Variants in LTBP4 observed in about 807,000 individuals in gnomAD.
LTBP4 encodes latent-transforming growth factor beta-binding protein 4.
In LTBP4, 93 loss-of-function variants were observed where a neutral mutation model predicts 180.2. The observed-to-expected ratio is 0.52, with a 90% CI of 0.44 to 0.61. LTBP4 has a LOEUF of 0.61. Ranked by LOEUF, LTBP4 falls within the 20% of genes least tolerant of loss-of-function variation. The pLI, the probability that LTBP4 is intolerant of heterozygous loss-of-function variation, is 0.00. For missense variants in LTBP4, 2,116 were observed against 2,256.5 expected, an observed-to-expected ratio of 0.94 and a Z score of 1.26; for synonymous variants, 947 against 934.5, an observed-to-expected ratio of 1.01 and a Z score of -0.24.
chr19:40,596,472 C>A (rs2081391034), upstream of LTBP4, among the ~76,000 whole-genome samples: 1 of 151,570 alleles, frequency 6.6e-6, no homozygotes, highest in African/African-American at 2.4e-5. Context: ...CTGGGGGCGG[C>A]GATAAGTGGG....
chr19:40,604,036 G>A (rs1211320212), intron 1 of LTBP4, among the ~76,000 whole-genome samples: 1 of 152,380 alleles, frequency 6.6e-6, no homozygotes, highest in East Asian at 1.9e-4. Context: ...GTAAGGCCGA[G>A]CTAGAACTCT....
At chr19:40,623,474 C>A in intron 24 of LTBP4, 130 bp from the exon 25 acceptor site, 1 of 1,199,540 alleles carries the variant, frequency 8.3e-7, no homozygotes, top group Non-Finnish European at 1.2e-6. Context: ...CGCTCCTGGC[C>A]TCTCCATCTT....
At position 40,610,519 on chromosome 19, in the gene LTBP4, T is replaced by C; in HGVS notation, c.1685-13T>C. 6.3e-7 allele frequency: 1 copy of C among 1,588,964 alleles called. No homozygotes were observed. Among genetic ancestry groups the C allele is most frequent in the South Asian group, 1.1e-5 (1 of 89,396 alleles). The stretch of plus-strand genomic sequence containing the variant: ...GTCTGCCCCAGTCCCAGCCGCCTGG[T>C]CTGTGCCTACAGATGTGGACGAGTG... On this transcript the variant is annotated splice_polypyrimidine_tract_variant and intron_variant, in intron 11 of 29. Coordinates refer to ENST00000396819, the MANE Select transcript of LTBP4 (RefSeq NM_001042545.2).
At position 40,607,674 on chromosome 19, in the gene LTBP4, G is replaced by T. The variant is rs1020407872; in HGVS notation, c.1156+145G>T. ...ACGCAGCAGCCTCTGAGACCCGCAG[G>T]CCTCAGACTGGACAGCATCCATGGC... On this transcript the variant is annotated intron_variant, in intron 7 of 29. Coordinates refer to ENST00000396819, the MANE Select transcript of LTBP4 (RefSeq NM_001042545.2). The T allele has an allele frequency of 2.3e-5, 20 of 870,888 alleles. No homozygotes were observed. The African/African-American group carries it at 3.1e-4, about 13-fold the overall frequency. The allele number at this position is 870,888 out of a possible 1,614,324, so 53.9% of individuals were successfully genotyped here.
In LTBP4 at chr19:40,607,549, C is replaced by T. The variant is rs775722142; in HGVS notation, c.1156+20C>T. 6.3e-7 allele frequency: 1 copy of T among 1,592,204 alleles called. No individual in the cohort carries two copies. Among genetic ancestry groups the T allele is most frequent in the East Asian group, 2.3e-5 (1 of 44,254 alleles). The stretch of plus-strand genomic sequence containing the variant: ...GCTCAGGTGAGCCCCTGCGGCAGTG[C>T]CTAGCCCTACGCGCAACACATGTGG... On this transcript the variant is annotated intron_variant, in intron 7 of 29. Coordinates refer to ENST00000396819, the MANE Select transcript of LTBP4 (RefSeq NM_001042545.2).
At position 40,629,816 on chromosome 19, in the gene LTBP4, C is replaced by A. The variant is rs1568417241; in HGVS notation, c.*266C>A. The A allele has an allele frequency of 3.3e-6, 1 of 306,488 alleles. No homozygotes were observed. Among genetic ancestry groups the A allele is most frequent in the Non-Finnish European group, 6.0e-6 (1 of 167,514 alleles). 19.0% of individuals were successfully genotyped at this position (306,488 alleles called of 1,614,324 possible). On this transcript the variant is annotated 3_prime_UTR_variant, in exon 30 of 30. Coordinates refer to ENST00000396819, the MANE Select transcript of LTBP4 (RefSeq NM_001042545.2). The surrounding 1 kb of genome is among the most constrained non-coding windows in gnomAD (Gnocchi z 4.5). Reference sequence around the variant, plus strand: ...TTTTCCATTAAAAACCACCTATTTTCTATCTTTTGCCTCCTCCTGTCTATT... The same window carrying A: ...TTTTCCATTAAAAACCACCTATTTTATATCTTTTGCCTCCTCCTGTCTATT...
chr19:40,627,619 G>A (rs2081645275), intron 28 of LTBP4, 86 bp from the exon 29 acceptor site: 3 of 1,504,912 alleles, frequency 2.0e-6, no homozygotes, highest in Non-Finnish European at 1.8e-6. Flanking sequence ...CAGCGAGAAA[G>A]ATGGAGCCAA....
intron 7 of LTBP4, 85 bp from the exon 8 acceptor site, chr19:40,608,135 C>A (rs1316465833): frequency 2.0e-6 from 3 of 1,477,778 alleles, no homozygotes; most frequent in African/African-American, 1.4e-5. Flanking sequence ...CCAAGCCCTG[C>A]CCCTAGCCAA....
In LTBP4 at chr19:40,612,952, C is replaced by G. The variant is rs553745081; in HGVS notation, c.2300-113C>G. ...CCACCTCTGCCATAGAGCCCTCCCC[C>G]AGCCTCCAACTCATGAGACTTCCCA... On this transcript the variant is annotated intron_variant, in intron 15 of 29. Transcript: ENST00000396819. 283 of 1,085,728 alleles carry G rather than the reference C, an allele frequency of 2.6e-4. 1 individual carries two copies. The highest frequency in any genetic ancestry group is 3.4e-4 in the Non-Finnish European group (251 of 738,332). 67.3% of individuals were successfully genotyped at this position (1,085,728 alleles called of 1,614,324 possible).
Position 40,609,696 on chromosome 19 carries a change from C to T in LTBP4, c.1558+35C>T, listed in dbSNP as rs1568405466. ...ACGGAGGGCGCGGAAGGAGGCGGGG[C>T]GGGGGGCTTTGCCTGGTCACCTTGT... On this transcript the variant is annotated intron_variant, in intron 10 of 29. Coordinates refer to ENST00000396819, the MANE Select transcript of LTBP4 (RefSeq NM_001042545.2). The surrounding 1 kb of genome is among the most constrained non-coding windows in gnomAD (Gnocchi z 4.9). 1 of 1,611,548 alleles carries T rather than the reference C, an allele frequency of 6.2e-7. No homozygotes were observed. Among genetic ancestry groups the T allele is most frequent in the Admixed American group, 1.7e-5 (1 of 59,932 alleles).
At chr19:40,601,676 G>A in intron 1 of LTBP4, 39 bp downstream of exon 1, 1 of 1,309,476 alleles carries the variant, frequency 7.6e-7, no homozygotes, top group Non-Finnish European at 9.8e-7. Flanking sequence ...GCGGCTCCGG[G>A]GGGGAGGAGG....
intron 1 of LTBP4, 86 bp downstream of exon 1, chr19:40,601,723 G>A (rs2081425588): frequency 1.9e-6 from 2 of 1,063,092 alleles, no homozygotes; most frequent in African/African-American, 1.7e-5. Flanking sequence ...TCCAGGGAGA[G>A]GGAGCCCAGA....
In LTBP4 at chr19:40,605,804, G is replaced by C. The variant is rs1296653668; in HGVS notation, c.766G>C (p.Asp256His). ...RGAGLAWGVH[D>H]CQLCSERLGN... Reference sequence around the variant, plus strand: ...GGCCGGCTTGGCCTGGGGCGTTCACGACTGTCAGCTGTGCTCCGAGCGCCT... The same window carrying C: ...GGCCGGCTTGGCCTGGGGCGTTCACCACTGTCAGCTGTGCTCCGAGCGCCT... Residue 256 changes from aspartate to histidine, a missense_variant, in exon 4 of 30, where the codon GAC becomes CAC. By Grantham distance (81) the Asp-to-His change is moderately conservative. Around this residue, in one of 5 missense-constraint regions of LTBP4, gnomAD observed 469 missense variants for 532.5 expected, o/e 0.88. Transcript: ENST00000396819. This position sits in a 1 kb window ranked among gnomAD's most constrained non-coding sequence, Gnocchi z 5.5. 2 of 1,539,822 alleles carry C rather than the reference G, an allele frequency of 1.3e-6. No individual in the cohort carries two copies. Among genetic ancestry groups the C allele is most frequent in the Admixed American group, 2.0e-5 (1 of 50,998 alleles).
At chr19:40,624,697 CT>C (rs2081612090) in intron 26 of LTBP4, among the ~76,000 whole-genome samples, 1 of 152,098 alleles carries the variant, frequency 6.6e-6, no homozygotes, top group Non-Finnish European at 1.5e-5. Flanking sequence ...CCACACCTGG[CT>C]GATGAATTTT....
At chr19:40,603,746 G>T (rs1394139359) in intron 1 of LTBP4, among the ~76,000 whole-genome samples, 1 of 152,104 alleles carries the variant, frequency 6.6e-6, no homozygotes, top group Admixed American at 6.6e-5. Context: ...CCTCCCCTCC[G>T]CACAGCTGTC....
rs768705393 is a variant in LTBP4, at chr19:40,627,010, C to T, written c.4021C>T (p.Pro1341Ser). The T allele has an allele frequency of 6.3e-7, 1 of 1,594,062 alleles. No homozygotes were observed. ...GGCCCTGTGCAATGTGCTACGCCCCCCCGCATATAGCCCCCCGCGACCAGG... is the reference window on the plus strand; with the variant it reads ...GGCCCTGTGCAATGTGCTACGCCCCTCCGCATATAGCCCCCCGCGACCAGG... ...FEALCNVLRPPAYSPPRPGGF... is the reference protein window; with the variant it reads ...FEALCNVLRPSAYSPPRPGGF... The change falls in exon 28 of 30, where the codon CCC becomes TCC. Residue 1341 changes from proline (P) to serine (S), a missense_variant. Pro to Ser is a moderately conservative substitution (Grantham distance 74). This residue lies in a region of LTBP4 where 488 missense variants were observed against 458.8 expected (regional missense o/e 1.06). Transcript: ENST00000396819.
At chr19:40,594,929 G>T (rs372645001) in intron 1 of LTBP4, among the ~76,000 whole-genome samples, 12 of 152,036 alleles carry the variant, frequency 7.9e-5, no homozygotes, top group Non-Finnish European at 1.3e-4. Flanking sequence ...GAGCAGGAGT[G>T]GGGGGTGGGG....
At chr19:40,627,626 C>G in intron 28 of LTBP4, 79 bp from the exon 29 acceptor site, 1 of 1,514,668 alleles carries the variant, frequency 6.6e-7, no homozygotes, top group Non-Finnish European at 8.9e-7. Context: ...AAAGATGGAG[C>G]CAAGGACGCG....
In LTBP4 at chr19:40,627,854, G is replaced by T. The variant is rs768580577; in HGVS notation, c.4516G>T (p.Val1506Phe). Residue 1506 changes from valine to phenylalanine, a missense_variant, in exon 29 of 30, where the codon GTT becomes TTT. Val to Phe is a conservative substitution (Grantham distance 50). Coordinates refer to ENST00000396819, the MANE Select transcript of LTBP4 (RefSeq NM_001042545.2). ...CCTGGACATGACCCGCATGGCCTGC[G>T]TTGGTGAGGGCGGGCCCGGGGCCAG... Reference protein sequence around the residue: ...YRLDMTRMACVDINECDEAEA... With the variant: ...YRLDMTRMACFDINECDEAEA... 3.2e-6 allele frequency: 5 copies of T among 1,563,016 alleles called. No individual in the cohort carries two copies. Among genetic ancestry groups the T allele is most frequent in the Non-Finnish European group, 3.4e-6 (4 of 1,160,994 alleles).
Sources: allele counts gnomAD v4.1 joint callset (sites outside exome capture counted in the v4.1 genomes callset), GRCh38; gene constraint gnomAD v4.1.1; regional missense constraint gnomAD v4.1.1; non-coding constraint Gnocchi (gnomAD v3.1); transcripts MANE v1.5; gene names NCBI Gene and HGNC (gene_info 2026-07-23, HGNC 2026-07-21).